GSTA2: variants seen among roughly 807,000 people sequenced by gnomAD.
The protein encoded by GSTA2 is glutathione S-transferase alpha 2.
In GSTA2, 27 loss-of-function variants were observed where a neutral mutation model predicts 22.4. That is an observed-to-expected ratio of 1.21 (90% CI 0.89 to 1.67). The LOEUF (loss-of-function observed/expected upper bound fraction) is 1.67. GSTA2 is among the 40% of genes most tolerant of loss of function. GSTA2 has a pLI of 0.00. For synonymous variants in GSTA2, 121 were observed against 86.8 expected, an observed-to-expected ratio of 1.39 and a Z score of -2.19; for missense variants, 302 against 260.2, an observed-to-expected ratio of 1.16 and a Z score of -1.11.
intron 1 of GSTA2, among the ~76,000 whole-genome samples, chr6:52,759,307 G>A (rs893138197): frequency 3.9e-5 from 6 of 152,134 alleles, no homozygotes; most frequent in Non-Finnish European, 7.4e-5. Flanking sequence ...TTTGGGTGGT[G>A]GAATGTAGCA....
chr6:52,755,087 AG>A lies in GSTA2; in HGVS notation c.140-13del. ...CATCAAATATCCATCTTTAAGAGGA[AG>A]AAAAAAAAGGAGAGTGAAGTGTCTA... On this transcript the variant is annotated splice_polypyrimidine_tract_variant and intron_variant, in intron 3 of 6. Coordinates refer to ENST00000493422, the MANE Select transcript of GSTA2 (RefSeq NM_000846.5). 1 of 1,614,070 alleles carries A rather than the reference AG, an allele frequency of 6.2e-7. No individual in the cohort carries two copies. The highest frequency in any genetic ancestry group is 8.5e-7 in the Non-Finnish European group (1 of 1,179,984).
In GSTA2 at chr6:52,750,604, T is replaced by G; in HGVS notation, c.642A>C (p.Glu214Asp). The change falls in exon 7 of 7, where the codon GAA (glutamate) becomes GAC (aspartate). Residue 214 changes from glutamate to aspartate, a missense_variant. Glu to Asp is a conservative substitution (Grantham distance 45). Coordinates refer to ENST00000493422, the MANE Select transcript of GSTA2 (RefSeq NM_000846.5). Reference protein sequence around the residue: ...RKPPMDEKSLEESRKIFRF With the variant: ...RKPPMDEKSLDESRKIFRF ...AAAACCTGAAAATCTTCCTTGATTC[T>G]TCTAAAGATTTCTCATCCATGGGAG... 1 of 1,613,922 alleles carries G rather than the reference T, an allele frequency of 6.2e-7. No homozygotes were observed.
intron 4 of GSTA2, among the ~76,000 whole-genome samples, chr6:52,753,300 T>C (rs1762779863): frequency 6.6e-6 from 1 of 152,000 alleles, no homozygotes; most frequent in African/African-American, 2.4e-5. Context: ...ATGAGAGAAA[T>C]TGGTGGAATC....
chr6:52,755,843 C>T (rs1397860573), intron 3 of GSTA2, among the ~76,000 whole-genome samples: 1 of 151,826 alleles, frequency 6.6e-6, no homozygotes, highest in Non-Finnish European at 1.5e-5. Context: ...ACAGTGTTAC[C>T]CAGTCCCACT....
rs1159350213 is a variant in GSTA2 at position 52,752,861 on chromosome 6, A to C, written c.407T>G (p.Phe136Cys). 6.2e-7 allele frequency: 1 copy of C among 1,613,874 alleles called. No homozygotes were observed. The highest frequency in any genetic ancestry group is 2.2e-5 in the East Asian group (1 of 44,862). ...EKTKNRYFPA[F>C]EKVLKSHGQD... ...CTGAACAGCTTCACTTACTTTTTCA[A>C]AGGCAGGGAAGTAGCGATTTTTTGT... The change falls in exon 5 of 7, where the codon TTT becomes TGT. Residue 136 changes from phenylalanine to cysteine, a missense_variant. By Grantham distance (205) the Phe-to-Cys change is radical. Transcript: ENST00000493422.
intron 3 of GSTA2, 121 bp from the exon 4 acceptor site, chr6:52,755,196 A>G: frequency 1.5e-6 from 2 of 1,355,888 alleles, no homozygotes; most frequent in Non-Finnish European, 2.0e-6. Flanking sequence ...ACTGCCTGGT[A>G]AGAGTTCACT....
chr6:52,750,702 G>A lies in GSTA2; in HGVS notation c.547-3C>T. The A allele has an allele frequency of 6.2e-7, 1 of 1,612,242 alleles. No individual in the cohort carries two copies. The highest frequency in any genetic ancestry group is 8.5e-7 in the Non-Finnish European group (1 of 1,179,674). ...TTACTGATTCTGGTTTTCAGGGCCT[G>A]TAATCCACAAAGCACAGCCTCACTA... is the stretch of plus-strand genomic sequence containing the variant. On this transcript the variant is annotated splice_region_variant and splice_polypyrimidine_tract_variant and intron_variant, in intron 6 of 6. Coordinates refer to ENST00000493422, the MANE Select transcript of GSTA2 (RefSeq NM_000846.5).
chr6:52,751,485 G>C lies in GSTA2; in HGVS notation c.546+92C>G. On this transcript the variant is annotated intron_variant, in intron 6 of 6. Transcript: ENST00000493422. ...GGCACCAAAGGCCTGGAGAAGGCTG[G>C]GGTCAAAACATGCTCAGTCCCAGGG... The C allele has an allele frequency of 1.9e-6, 3 of 1,601,966 alleles. No homozygotes were observed. In the South Asian group the frequency reaches 3.3e-5, roughly 18 times the overall value.
At chr6:52,756,384 C>T (rs1762846315) in intron 2 of GSTA2, 75 bp from the exon 3 acceptor site, 8 of 1,145,538 alleles carry the variant, frequency 7.0e-6, no homozygotes, top group Non-Finnish European at 9.2e-6. Context: ...TGGCCTCTAT[C>T]TGGTGCATCA....
Position 52,752,864 on chromosome 6 carries a change from G to T in GSTA2, c.404C>A (p.Ala135Asp), listed in dbSNP as rs1390983012. The T allele has an allele frequency of 5.6e-6, 9 of 1,613,800 alleles. No individual in the cohort carries two copies. In the East Asian group the frequency reaches 1.8e-4, roughly 32 times the overall value. ...AACAGCTTCACTTACTTTTTCAAAG[G>T]CAGGGAAGTAGCGATTTTTTGTTTT... ...QEKTKNRYFP[A>D]FEKVLKSHGQ... Residue 135 changes from alanine (A) to aspartate (D), a missense_variant, in exon 5 of 7, where the codon GCC (alanine) becomes GAC (aspartate). By Grantham distance (126) the Ala-to-Asp change is moderately radical. Transcript: ENST00000493422.
chr6:52,751,777 G>A, intron 5 of GSTA2, 69 bp from the exon 6 acceptor site: 1 of 1,610,530 alleles, frequency 6.2e-7, no homozygotes, highest in Non-Finnish European at 8.5e-7. Flanking sequence ...TTCTTTCAGA[G>A]CCTCTCCACC....
chr6:52,753,089 C>G, intron 4 of GSTA2, 94 bp from the exon 5 acceptor site: 1 of 1,191,818 alleles, frequency 8.4e-7, no homozygotes, highest in Middle Eastern at 2.1e-4. Context: ...CAGGTGATGG[C>G]AAAATAATTC....
chr6:52,755,121 C>A, intron 3 of GSTA2, 46 bp from the exon 4 acceptor site: 4 of 1,596,352 alleles, frequency 2.5e-6, no homozygotes, highest in African/African-American at 1.4e-5. Flanking sequence ...CTATGAAACC[C>A]ACCATTTCAG....
chr6:52,758,064 C>A (rs1317694676), intron 1 of GSTA2, 87 bp from the exon 2 acceptor site: 4 of 780,912 alleles, frequency 5.1e-6, no homozygotes, highest in Non-Finnish European at 8.5e-6. Flanking sequence ...AAACCACAAA[C>A]AATGCTGAAG....
intron 1 of GSTA2, among the ~76,000 whole-genome samples, chr6:52,759,890 A>G (rs1762925294): frequency 1.3e-5 from 2 of 152,052 alleles, no homozygotes; most frequent in African/African-American, 4.8e-5. Flanking sequence ...AACCTCAACT[A>G]ATGTATTTCT....
At chr6:52,751,504 C>T (rs1762734730) in intron 6 of GSTA2, 73 bp downstream of exon 6, 3 of 1,609,010 alleles carry the variant, frequency 1.9e-6, no homozygotes, top group Non-Finnish European at 2.6e-6. Context: ...CATGCTCAGT[C>T]CCAGGGCCCA....
At chr6:52,755,886 C>A (rs1762832808) in intron 3 of GSTA2, among the ~76,000 whole-genome samples, 1 of 152,090 alleles carries the variant, frequency 6.6e-6, no homozygotes, top group South Asian at 2.1e-4. Context: ...AAGACAGTGG[C>A]CACATCTATT....
chr6:52,755,212 CAACT>C, intron 3 of GSTA2, 137 bp from the exon 4 acceptor site: 2 of 816,416 alleles, frequency 2.4e-6, no homozygotes. Context: ...TCACTTGAAA[CAACT>C]TTTTTTTTTT....
chr6:52,759,804 G>A (rs1404724618), intron 1 of GSTA2, among the ~76,000 whole-genome samples: 19 of 151,728 alleles, frequency 1.3e-4, no homozygotes, highest in East Asian at 1.9e-4. Flanking sequence ...GTCTGGTCTC[G>A]AAAGTCTGAC....
Sources: gnomAD v4.1 joint callset for allele counts (sites outside exome capture counted in the v4.1 genomes callset) on GRCh38, gnomAD v4.1.1 for gene constraint, MANE v1.5 for transcripts, NCBI Gene and HGNC (gene_info 2026-07-23, HGNC 2026-07-21) for gene names.